Variants in RAB33B observed in about 807,000 individuals in gnomAD.
RAB33B encodes the protein RAB33B, member RAS oncogene family.
Under a neutral mutation model 15.0 loss-of-function variants are expected in RAB33B, and 6 were observed. That is an observed-to-expected ratio of 0.40 (90% CI 0.22 to 0.79). The LOEUF (loss-of-function observed/expected upper bound fraction) is 0.79, where lower values mean the gene tolerates loss of function less well. RAB33B is among the 30% of genes least tolerant of loss of function. The pLI is 0.37. For missense variants in RAB33B, 257 were observed against 296.4 expected, an observed-to-expected ratio of 0.87 and a Z score of 0.98; for synonymous variants, 117 against 108.3, an observed-to-expected ratio of 1.08 and a Z score of -0.50.
At chr4:139,457,549 G>A (rs1000459281) in intron 1 of RAB33B, among the ~76,000 whole-genome samples, 1 of 152,126 alleles carries the variant, frequency 6.6e-6, no homozygotes, top group African/African-American at 2.4e-5. Context: ...CCCATGTTAA[G>A]TGCAAAATGT....
chr4:139,441,777 G>A, the RAB33B span, among the ~76,000 whole-genome samples: 31,477 of 152,088 alleles, frequency 0.21, 3,580 homozygotes, highest in Non-Finnish European at 0.26. Context: ...AAGTGAAACC[G>A]TCGTAAATCA....
At chr4:139,468,257 T>C (rs1301547421) in intron 1 of RAB33B, among the ~76,000 whole-genome samples, 3 of 152,176 alleles carry the variant, frequency 2.0e-5, no homozygotes, top group African/African-American at 7.2e-5. Context: ...TGAGACTTAC[T>C]CACTGTCATG....
At chr4:139,447,399 C>G in the RAB33B span, among the ~76,000 whole-genome samples, 1 of 152,278 alleles carries the variant, frequency 6.6e-6, no homozygotes, top group East Asian at 1.9e-4. Flanking sequence ...CACCACTCAT[C>G]ATCACCCTTA....
At chr4:139,456,310 A>G (rs190456071) in intron 1 of RAB33B, among the ~76,000 whole-genome samples, 2 of 152,246 alleles carry the variant, frequency 1.3e-5, no homozygotes, top group Admixed American at 1.3e-4. Context: ...GAAGTAGGAA[A>G]TTCTTTCAAA....
chr4:139,463,620 C>G (rs1167541309), intron 1 of RAB33B, among the ~76,000 whole-genome samples: 3 of 152,208 alleles, frequency 2.0e-5, no homozygotes, highest in Non-Finnish European at 4.4e-5. Context: ...GTATCAGTTT[C>G]TCTTCTTTTT....
chr4:139,456,698 T>A (rs1750072760), intron 1 of RAB33B, among the ~76,000 whole-genome samples: 1 of 152,262 alleles, frequency 6.6e-6, no homozygotes, highest in African/African-American at 2.4e-5. Context: ...CGTTGATTTG[T>A]GCCACCAATG....
chr4:139,443,504 T>C, the RAB33B span, among the ~76,000 whole-genome samples: 1 of 152,202 alleles, frequency 6.6e-6, no homozygotes, highest in Admixed American at 6.5e-5. Flanking sequence ...CAGAAGCAGA[T>C]ACTGAGCCTC....
upstream of RAB33B, chr4:139,452,214 A>G (rs559531333): frequency 1.3e-5 from 2 of 152,382 alleles, no homozygotes; most frequent in African/African-American, 4.8e-5. Context: ...ATAAACTTCC[A>G]GTCAGTAGTC....
rs1002224031 is a variant in RAB33B at position 139,475,485 on chromosome 4, TTA to T, written c.*2367_*2368del. On this transcript the variant is annotated 3_prime_UTR_variant, in exon 2 of 2. Transcript: ENST00000305626. ...ATTTGTAACAATTTGTTTTAATTTT[TTA>T]TATATATGTTTTTATTTTTAAAAAA... The T allele has an allele frequency of 6.6e-6, 1 of 151,972 alleles. No homozygotes were observed. The highest frequency in any genetic ancestry group is 2.4e-5 in the African/African-American group (1 of 41,450). 9.4% of individuals were successfully genotyped at this position (151,972 alleles called of 1,614,324 possible).
At chr4:139,462,515 A>G (rs1399231430) in intron 1 of RAB33B, among the ~76,000 whole-genome samples, 1 of 152,238 alleles carries the variant, frequency 6.6e-6, no homozygotes, top group Non-Finnish European at 1.5e-5. Context: ...CTTTCAAAGA[A>G]CACATTTTTA....
At chr4:139,441,469 AT>A in the RAB33B span, among the ~76,000 whole-genome samples, 10 of 151,686 alleles carry the variant, frequency 6.6e-5, no homozygotes, top group African/African-American at 2.4e-4. Flanking sequence ...TATTACACTA[AT>A]TTTTTTTTAA....
At chr4:139,461,244 G>C (rs540259623) in intron 1 of RAB33B, among the ~76,000 whole-genome samples, 3 of 152,168 alleles carry the variant, frequency 2.0e-5, no homozygotes, top group African/African-American at 7.2e-5. Flanking sequence ...CCCTCCCTGG[G>C]AGCCAGTGGT....
chr4:139,448,741 T>C (rs1221742061), upstream of RAB33B: 4 of 151,250 alleles, frequency 2.6e-5, no homozygotes, highest in South Asian at 2.1e-4. Flanking sequence ...TGTGAAAATA[T>C]GTGTTCTGAG....
the RAB33B span, among the ~76,000 whole-genome samples, chr4:139,442,878 T>A: frequency 1.3e-5 from 2 of 152,138 alleles, no homozygotes; most frequent in Non-Finnish European, 2.9e-5. Context: ...AACAGAATAT[T>A]AAGGATGGAG....
the RAB33B span, among the ~76,000 whole-genome samples, chr4:139,443,553 T>C: frequency 3.3e-5 from 5 of 152,192 alleles, no homozygotes; most frequent in African/African-American, 1.2e-4. Context: ...TTATCTCCTG[T>C]AGAGAAAGAA....
At chr4:139,450,779 G>T (rs1018962250), upstream of RAB33B, 3 of 151,834 alleles carry the variant, frequency 2.0e-5, no homozygotes, top group African/African-American at 7.3e-5. Context: ...CTGTTTCTGA[G>T]TAAGACAAGT....
At position 139,473,277 on chromosome 4, in the gene RAB33B, T is replaced by G; in HGVS notation, c.*151T>G. ...TCACGCTTTTGTATTTTGTATCTAC[T>G]TAAGTTTGTCACTGTGACAACACAG... is the stretch of plus-strand genomic sequence containing the variant. On this transcript the variant is annotated 3_prime_UTR_variant, in exon 2 of 2. Transcript: ENST00000305626. 1 of 755,814 alleles carries G rather than the reference T, an allele frequency of 1.3e-6. No individual in the cohort carries two copies. The highest frequency in any genetic ancestry group is 2.3e-5 in the South Asian group (1 of 42,712). The allele number at this position is 755,814 out of a possible 1,614,324, so 46.8% of individuals were successfully genotyped here.
At chr4:139,467,747 A>G (rs1416484563) in intron 1 of RAB33B, among the ~76,000 whole-genome samples, 1 of 151,724 alleles carries the variant, frequency 6.6e-6, no homozygotes, top group Non-Finnish European at 1.5e-5. Flanking sequence ...AGTCCCAGCT[A>G]CTCAGGTGGC....
intron 1 of RAB33B, among the ~76,000 whole-genome samples, chr4:139,466,681 C>T (rs922938106): frequency 1.3e-4 from 20 of 151,266 alleles, no homozygotes; most frequent in African/African-American, 4.6e-4. Context: ...TGGGTTCAAG[C>T]GATTCTCGTG....
Sources: allele counts gnomAD v4.1 joint callset (sites outside exome capture counted in the v4.1 genomes callset), GRCh38; gene constraint gnomAD v4.1.1; transcripts MANE v1.5; gene names NCBI Gene and HGNC (gene_info 2026-07-23, HGNC 2026-07-21).